SLC71A2: variants seen among roughly 807,000 people sequenced by gnomAD.
SLC71A2 encodes solute carrier family 71 member 2.
At chr9:94,385,005 G>T in the SLC71A2 span, among the ~76,000 whole-genome samples, 1 of 151,714 alleles carries the variant, frequency 6.6e-6, no homozygotes, top group Non-Finnish European at 1.5e-5. Context: ...CAGTGAGAAG[G>T]CACTGGCCAG....
the SLC71A2 span, chr9:94,445,050 G>T: frequency 1.2e-6 from 2 of 1,614,208 alleles, no homozygotes; most frequent in East Asian, 2.2e-5. Context: ...GCCTCGTTGT[G>T]CTGGTGGCCA....
chr9:94,458,495 AACAATTATGT>A, the SLC71A2 span: 1 of 1,607,784 alleles, frequency 6.2e-7, no homozygotes, highest in Non-Finnish European at 8.5e-7. Context: ...GTTTTGTAAC[AACAATTATGT>A]ATGATTATAG....
At chr9:94,387,038 A>G in the SLC71A2 span, among the ~76,000 whole-genome samples, 408 of 151,580 alleles carry the variant, frequency 2.7e-3, 3 homozygotes, top group African/African-American at 9.6e-3. Context: ...GAATATTACT[A>G]TTTTGCCCCA....
chr9:94,441,704 A>C, the SLC71A2 span, among the ~76,000 whole-genome samples: 24 of 152,306 alleles, frequency 1.6e-4, no homozygotes, highest in East Asian at 4.0e-3. Context: ...TAACTCTATT[A>C]GTGGTTGTGT....
the SLC71A2 span, among the ~76,000 whole-genome samples, chr9:94,399,393 G>A: frequency 6.6e-6 from 1 of 151,898 alleles, no homozygotes; most frequent in Non-Finnish European, 1.5e-5. Context: ...GTTTCTTTCA[G>A]GCTCTTTCAG....
the SLC71A2 span, among the ~76,000 whole-genome samples, chr9:94,379,941 A>G: frequency 6.6e-6 from 1 of 152,170 alleles, no homozygotes; most frequent in East Asian, 1.9e-4. Context: ...ACACGTAAAC[A>G]TGCTTTATTA....
chr9:94,447,890 T>A, the SLC71A2 span, among the ~76,000 whole-genome samples: 53 of 152,326 alleles, frequency 3.5e-4, no homozygotes, highest in African/African-American at 1.3e-3. Context: ...TCCATAGTTT[T>A]ACCTTTTTTC....
At chr9:94,438,484 A>G in the SLC71A2 span, 27 of 1,613,738 alleles carry the variant, frequency 1.7e-5, no homozygotes, top group Non-Finnish European at 2.0e-5. Flanking sequence ...TCGGCACTGT[A>G]TTCTTTACCT....
the SLC71A2 span, chr9:94,451,439 T>C: frequency 7.3e-7 from 1 of 1,371,924 alleles, no homozygotes; most frequent in Non-Finnish European, 9.9e-7. Flanking sequence ...TAAAGTGTTT[T>C]CATTTCATTT....
At chr9:94,438,337 A>T in the SLC71A2 span, 2 of 1,609,330 alleles carry the variant, frequency 1.2e-6, no homozygotes, top group Non-Finnish European at 1.7e-6. Context: ...TTTAGAAAAT[A>T]TGAATTACAG....
At chr9:94,430,606 C>A in the SLC71A2 span, among the ~76,000 whole-genome samples, 8 of 152,256 alleles carry the variant, frequency 5.3e-5, no homozygotes, top group Admixed American at 3.9e-4. Flanking sequence ...CTAGAAAACG[C>A]AGCACTTCTA....
the SLC71A2 span, chr9:94,456,420 C>T: frequency 4.7e-6 from 5 of 1,062,928 alleles, no homozygotes; most frequent in African/African-American, 6.2e-5. Context: ...GAGTTCTCCC[C>T]ATCAACAGCA....
the SLC71A2 span, among the ~76,000 whole-genome samples, chr9:94,443,803 A>G: frequency 6.6e-6 from 1 of 152,186 alleles, no homozygotes; most frequent in Non-Finnish European, 1.5e-5. Context: ...TGCAGTTTAT[A>G]ATGCAGTTAT....
At chr9:94,433,438 C>T in the SLC71A2 span, among the ~76,000 whole-genome samples, 7 of 150,578 alleles carry the variant, frequency 4.6e-5, no homozygotes, top group East Asian at 7.7e-4. Flanking sequence ...TTTGGGAGGC[C>T]GAGGTGGGCG....
At chr9:94,448,694 G>A in the SLC71A2 span, among the ~76,000 whole-genome samples, 5 of 152,292 alleles carry the variant, frequency 3.3e-5, no homozygotes, top group East Asian at 1.9e-4. Context: ...GTGCAATGGC[G>A]TGATCTTGGC....
chr9:94,391,611 G>A, the SLC71A2 span, among the ~76,000 whole-genome samples: 2 of 151,378 alleles, frequency 1.3e-5, no homozygotes, highest in Non-Finnish European at 2.9e-5. Context: ...ATTTTGGCCA[G>A]GTGTGGGGGC....
At chr9:94,392,941 A>G in the SLC71A2 span, among the ~76,000 whole-genome samples, 1 of 151,944 alleles carries the variant, frequency 6.6e-6, no homozygotes, top group African/African-American at 2.4e-5. Flanking sequence ...ACCCCCTTCT[A>G]AAAATTATCT....
At chr9:94,459,808 C>T in the SLC71A2 span, 1 of 171,598 alleles carries the variant, frequency 5.8e-6, no homozygotes, top group South Asian at 1.5e-4. Flanking sequence ...GGACTGCCAT[C>T]TCTGGCAAGA....
chr9:94,427,949 C>T, the SLC71A2 span, among the ~76,000 whole-genome samples: 1 of 151,400 alleles, frequency 6.6e-6, no homozygotes, highest in Non-Finnish European at 1.5e-5. Flanking sequence ...TGGTGAAACT[C>T]CACCTCTACC....
Sources: allele counts gnomAD v4.1 joint callset (sites outside exome capture counted in the v4.1 genomes callset), GRCh38; gene constraint gnomAD v4.1.1; transcripts MANE v1.5; gene names NCBI Gene and HGNC (gene_info 2026-07-23, HGNC 2026-07-21).